The following ARHGEF9 variants were observed in gnomAD, a reference collection of about 807,000 sequenced individuals.
The protein encoded by ARHGEF9 is rho guanine nucleotide exchange factor 9.
ARHGEF9 carries 2 observed loss-of-function variants against 41.3 expected under a neutral mutation model. The observed-to-expected ratio is 0.05, with a 90% CI of 0.02 to 0.15. ARHGEF9 has a LOEUF of 0.15. ARHGEF9 is among the 10% of genes least tolerant of loss of function. The pLI is 1.00. For missense variants in ARHGEF9, 225 were observed against 424.7 expected, an observed-to-expected ratio of 0.53 and a Z score of 4.13; for synonymous variants, 160 against 154.4, an observed-to-expected ratio of 1.04 and a Z score of -0.27.
chrX:63,753,882 A>T (rs1556443959), intron 1 of ARHGEF9, among the ~76,000 whole-genome samples: 1 of 111,789 alleles, frequency 8.9e-6, no homozygotes, highest in Non-Finnish European at 1.9e-5. Context: ...TTAGACACTA[A>T]AGAAGCATTT....
chrX:63,695,620 C>A (rs1457980247), intron 4 of ARHGEF9, among the ~76,000 whole-genome samples: 1 of 111,844 alleles, frequency 8.9e-6, no homozygotes, highest in Non-Finnish European at 1.9e-5. Context: ...GTTATCGTAT[C>A]AGGCCTGAAA....
chrX:63,708,203 T>C (rs1214788650), intron 2 of ARHGEF9, among the ~76,000 whole-genome samples: 2 of 111,735 alleles, frequency 1.8e-5, no homozygotes, highest in African/African-American at 3.3e-5. Flanking sequence ...TTTGTACCAA[T>C]GAAAACCTCA....
chrX:63,712,431 CTAT>C (rs2052999982), intron 2 of ARHGEF9, among the ~76,000 whole-genome samples: 1 of 111,258 alleles, frequency 9.0e-6, no homozygotes, highest in African/African-American at 3.3e-5. Flanking sequence ...TAATAGAATA[CTAT>C]TATTATTGGA....
At chrX:63,747,726 T>G (rs2055358568) in intron 1 of ARHGEF9, among the ~76,000 whole-genome samples, 1 of 112,668 alleles carries the variant, frequency 8.9e-6, no homozygotes, top group Admixed American at 9.4e-5. Context: ...AACCACTGGG[T>G]TAATGGAAAC....
At position 63,637,870 on chromosome X, in the gene ARHGEF9, GTGTGTGTGTGTC is replaced by G. The variant is rs1156455384; in HGVS notation, c.*146_*157del. 9.6e-4 allele frequency: 402 copies of G among 417,206 alleles called. 2 individuals are homozygous for G. The highest frequency in any genetic ancestry group is 6.7e-3 in the Admixed American group (154 of 23,138). 34.4% of individuals were successfully genotyped at this position (417,206 alleles called of 1,213,427 possible). On this transcript the variant is annotated 3_prime_UTR_variant, in exon 10 of 10. Coordinates refer to ENST00000671741, the MANE Select transcript of ARHGEF9 (RefSeq NM_001353921.2). ...TCTGTGTGTGTGTGTGTGTGTGTGT[GTGTGTGTGTGTC>G]TGTGTGTGTGTGTGTGTATGTGTAC...
chrX:63,670,583 C>T (rs2049892359), intron 6 of ARHGEF9, among the ~76,000 whole-genome samples: 1 of 111,297 alleles, frequency 9.0e-6, no homozygotes, highest in Non-Finnish European at 1.9e-5. Context: ...TGTTACCTTT[C>T]CCTTGTTTTC....
At chrX:63,660,392 A>T (rs1467867741) in intron 7 of ARHGEF9, among the ~76,000 whole-genome samples, 3 of 110,561 alleles carry the variant, frequency 2.7e-5, no homozygotes, top group Non-Finnish European at 5.7e-5. Flanking sequence ...GGTTTACTTG[A>T]GGGTGGAAGG....
chrX:63,649,464 C>G (rs782719317), intron 8 of ARHGEF9, among the ~76,000 whole-genome samples: 1 of 111,128 alleles, frequency 9.0e-6, no homozygotes, highest in East Asian at 2.8e-4. Context: ...ATTTATAGCA[C>G]TAAATGCCCA....
intron 7 of ARHGEF9, among the ~76,000 whole-genome samples, chrX:63,665,170 G>A (rs1474180103): frequency 7.1e-5 from 8 of 112,336 alleles, no homozygotes; most frequent in Non-Finnish European, 1.5e-4. Context: ...GGAAGTAGGG[G>A]TAAGAGTATC....
chrX:63,643,604 C>T (rs2047788177), intron 9 of ARHGEF9, among the ~76,000 whole-genome samples: 1 of 110,612 alleles, frequency 9.0e-6, no homozygotes, highest in Non-Finnish European at 1.9e-5. Flanking sequence ...CTCGGCCTCC[C>T]AAAGTGCTGG....
chrX:63,666,822 G>C (rs1309952741), intron 6 of ARHGEF9, among the ~76,000 whole-genome samples: 1 of 111,854 alleles, frequency 8.9e-6, no homozygotes, highest in Non-Finnish European at 1.9e-5. Flanking sequence ...CAAAGAGTCT[G>C]ACACAAATAG....
chrX:63,715,973 T>C (rs1205107951), intron 2 of ARHGEF9: 4 of 111,894 alleles, frequency 3.6e-5, no homozygotes, highest in African/African-American at 1.3e-4. Context: ...GAAGGTGATG[T>C]TATGTTTATT....
intron 1 of ARHGEF9, chrX:63,737,261 G>A (rs782743695): frequency 8.9e-6 from 1 of 112,549 alleles, no homozygotes; most frequent in East Asian, 2.8e-4. Flanking sequence ...ATAAAAACTG[G>A]GATGGGAAGA....
chrX:63,775,974 G>A (rs1303236887), intron 1 of ARHGEF9, among the ~76,000 whole-genome samples: 69 of 111,040 alleles, frequency 6.2e-4, no homozygotes, highest in East Asian at 2.8e-4. Context: ...CATTCCTAAA[G>A]CATTTAGTCC....
At chrX:63,719,651 A>G (rs1556412350) in intron 2 of ARHGEF9, 1 of 296,080 alleles carries the variant, frequency 3.4e-6, no homozygotes, top group African/African-American at 2.7e-5. Flanking sequence ...AGAGCATTGA[A>G]GCACTTTTGC....
At chrX:63,686,553 T>C (rs185196115) in intron 4 of ARHGEF9, among the ~76,000 whole-genome samples, 91 of 111,751 alleles carry the variant, frequency 8.1e-4, no homozygotes, top group African/African-American at 2.7e-3. Flanking sequence ...ACTCCATAAA[T>C]ATGCACAACT....
intron 1 of ARHGEF9, among the ~76,000 whole-genome samples, chrX:63,771,225 T>A (rs1387649830): frequency 8.9e-6 from 1 of 112,179 alleles, no homozygotes; most frequent in Admixed American, 9.5e-5. Flanking sequence ...GGATTATTAT[T>A]ACATTGAAAT....
intron 8 of ARHGEF9, among the ~76,000 whole-genome samples, chrX:63,645,483 G>T (rs1393781898): frequency 3.6e-5 from 4 of 111,247 alleles, no homozygotes; most frequent in African/African-American, 6.6e-5. Context: ...GCGGCGTTTG[G>T]TTTTTTGTCC....
chrX:63,764,005 T>TA, intron 1 of ARHGEF9, among the ~76,000 whole-genome samples: 1 of 111,840 alleles, frequency 8.9e-6, no homozygotes, highest in Middle Eastern at 4.6e-3. Context: ...AAAATTCAGT[T>TA]AGTATGTCAA....
Sources: allele counts gnomAD v4.1 joint callset (sites outside exome capture counted in the v4.1 genomes callset), GRCh38; gene constraint gnomAD v4.1.1; transcripts MANE v1.5; gene names NCBI Gene and HGNC (gene_info 2026-07-23, HGNC 2026-07-21).